The following CNTNAP2 variants were observed in gnomAD, a reference collection of about 807,000 sequenced individuals.
CNTNAP2 encodes contactin associated protein 2.
A neutral mutation model predicts 155.2 loss-of-function variants in CNTNAP2; 98 were observed. The ratio of observed to expected loss-of-function variants is 0.63; its 90% CI spans 0.54 to 0.75. The LOEUF is 0.75. CNTNAP2 is among the 30% of genes least tolerant of loss of function. The probability of loss-of-function intolerance (pLI) is 0.00; values close to 1 mark genes in which losing one functional copy is unlikely to be tolerated. For synonymous variants in CNTNAP2, 651 were observed against 631.2 expected (o/e 1.03, Z -0.47); for missense variants, 1,727 against 1,688.1 (o/e 1.02, Z -0.40).
At chr7:147,287,878 T>G (rs918898558) in intron 8 of CNTNAP2, among the ~76,000 whole-genome samples, 9 of 152,066 alleles carry the variant, frequency 5.9e-5, no homozygotes, top group Non-Finnish European at 8.8e-5. Context: ...TGGCCACATT[T>G]CTCCAGTGCT....
At chr7:147,065,542 G>T (rs1799762511) in intron 4 of CNTNAP2, among the ~76,000 whole-genome samples, 1 of 152,168 alleles carries the variant, frequency 6.6e-6, no homozygotes, top group Admixed American at 6.5e-5. Flanking sequence ...TTGCCAACTA[G>T]CTGGTTAGTG....
At chr7:146,934,475 C>T (rs569527912) in intron 3 of CNTNAP2, among the ~76,000 whole-genome samples, 24 of 150,746 alleles carry the variant, frequency 1.6e-4, no homozygotes, top group African/African-American at 5.9e-4. Context: ...GGAGGGAGAG[C>T]AATAGGAGAT....
chr7:147,772,446 CTATATATATATATATATATATATATATA>C (rs58027241), intron 13 of CNTNAP2, among the ~76,000 whole-genome samples: 6 of 63,732 alleles, frequency 9.4e-5, no homozygotes, highest in South Asian at 5.5e-4. Flanking sequence ...CTCTCTCTCG[CTATATATATATATATATATATATATATA>C]TATATATATA....
At chr7:147,270,402 C>T (rs538349720) in intron 8 of CNTNAP2, among the ~76,000 whole-genome samples, 1 of 152,266 alleles carries the variant, frequency 6.6e-6, no homozygotes, top group East Asian at 1.9e-4. Context: ...AATAATAATA[C>T]TTTGGATATT....
intron 15 of CNTNAP2, among the ~76,000 whole-genome samples, chr7:148,116,564 TA>T (rs1323899650): frequency 2.0e-5 from 3 of 152,224 alleles, no homozygotes; most frequent in African/African-American, 7.2e-5. Context: ...GTTAAGATTT[TA>T]ATATGCCTAA....
chr7:146,587,931 C>T (rs1798719848), intron 1 of CNTNAP2, among the ~76,000 whole-genome samples: 1 of 151,958 alleles, frequency 6.6e-6, no homozygotes, highest in Non-Finnish European at 1.5e-5. Flanking sequence ...ACCTCAGCCT[C>T]CTAAAGTGCT....
chr7:147,097,357 T>C (rs1800558524), intron 4 of CNTNAP2: 1 of 152,222 alleles, frequency 6.6e-6, no homozygotes, highest in Non-Finnish European at 1.5e-5. Flanking sequence ...GATGTATTAG[T>C]TGGTTTTCAT....
intron 8 of CNTNAP2, among the ~76,000 whole-genome samples, chr7:147,267,126 G>A (rs1333851468): frequency 6.6e-6 from 1 of 152,168 alleles, no homozygotes; most frequent in East Asian, 1.9e-4. Context: ...AAGAGACAAA[G>A]GGTGAACACA....
At chr7:147,833,749 G>C (rs1226151680) in intron 13 of CNTNAP2, among the ~76,000 whole-genome samples, 2 of 152,222 alleles carry the variant, frequency 1.3e-5, no homozygotes, top group African/African-American at 4.8e-5. Flanking sequence ...TCCCACAGGA[G>C]TTTCTTACTG....
chr7:147,721,321 T>C (rs1280523227), intron 13 of CNTNAP2, among the ~76,000 whole-genome samples: 3 of 152,110 alleles, frequency 2.0e-5, no homozygotes, highest in Admixed American at 6.6e-5. Context: ...TTGGACTTGG[T>C]TGACAAAATC....
rs561552206 is a variant in CNTNAP2, at chr7:146,775,904, A to G, written c.208+1523A>G. Among the ~76,000 whole-genome samples, 3 of 152,236 alleles carry G rather than the reference A, an allele frequency of 2.0e-5. No homozygotes were observed. The South Asian group carries it at 6.2e-4, about 32-fold the overall frequency. On this transcript the variant is annotated intron_variant, in intron 2 of 23. Coordinates refer to ENST00000361727, the MANE Select transcript of CNTNAP2 (RefSeq NM_014141.6). ...AGGAACATAACAAAAATGCAGTTTT[A>G]ATGTAATATTAGTATAAATTAGCTC...
At chr7:146,841,693 A>G (rs1007332686) in intron 3 of CNTNAP2, among the ~76,000 whole-genome samples, 2 of 152,148 alleles carry the variant, frequency 1.3e-5, no homozygotes, top group African/African-American at 2.4e-5. Context: ...GTATTTGTAA[A>G]GTCTTCATCT....
chr7:147,986,569 G>C (rs1801620447), intron 15 of CNTNAP2, among the ~76,000 whole-genome samples: 1 of 152,148 alleles, frequency 6.6e-6, no homozygotes, highest in Non-Finnish European at 1.5e-5. Context: ...GAGAGGTTAA[G>C]TGACTGGCCC....
chr7:146,544,121 A>T (rs543946980), intron 1 of CNTNAP2, among the ~76,000 whole-genome samples: 13 of 152,130 alleles, frequency 8.5e-5, no homozygotes, highest in Middle Eastern at 3.4e-3. Flanking sequence ...ATTCTGAGTG[A>T]TAATTTAGTA....
At chr7:146,257,205 A>G (rs762624425) in intron 1 of CNTNAP2, among the ~76,000 whole-genome samples, 2 of 152,210 alleles carry the variant, frequency 1.3e-5, no homozygotes, top group Non-Finnish European at 2.9e-5. Flanking sequence ...TTTCATGAAT[A>G]TAAAGGGGGA....
intron 3 of CNTNAP2, among the ~76,000 whole-genome samples, chr7:146,937,344 CTT>C: frequency 7.2e-6 from 1 of 139,282 alleles, no homozygotes; most frequent in African/African-American, 2.6e-5. Flanking sequence ...GGGTGAGACT[CTT>C]GTCTCAAAAA....
intron 4 of CNTNAP2, among the ~76,000 whole-genome samples, chr7:147,079,406 C>T (rs1257270461): frequency 2.6e-5 from 4 of 151,854 alleles, no homozygotes; most frequent in African/African-American, 7.3e-5. Context: ...ATGTTGCTCC[C>T]GTGAAAAACA....
intron 15 of CNTNAP2, among the ~76,000 whole-genome samples, chr7:148,042,106 T>C (rs1384097258): frequency 6.6e-6 from 1 of 152,216 alleles, no homozygotes; most frequent in Non-Finnish European, 1.5e-5. Context: ...GATTTATTTC[T>C]GTTATTTCTT....
chr7:148,357,581 T>G (rs1160838270), intron 21 of CNTNAP2, among the ~76,000 whole-genome samples: 1 of 152,170 alleles, frequency 6.6e-6, no homozygotes, highest in Non-Finnish European at 1.5e-5. Flanking sequence ...GATCCATAGC[T>G]CTCTCCTCTG....
Sources: gnomAD v4.1 joint callset for allele counts (sites outside exome capture counted in the v4.1 genomes callset) on GRCh38, gnomAD v4.1.1 for gene constraint, MANE v1.5 for transcripts, NCBI Gene and HGNC (gene_info 2026-07-23, HGNC 2026-07-21) for gene names.